The following ALK variants were observed in gnomAD, a reference collection of about 807,000 sequenced individuals.
ALK encodes ALK tyrosine kinase receptor.
Under a neutral mutation model 163.1 loss-of-function variants are expected in ALK, and 74 were observed. The ratio of observed to expected loss-of-function variants is 0.45; its 90% CI spans 0.38 to 0.55. The LOEUF (loss-of-function observed/expected upper bound fraction) is 0.55, where lower values mean the gene tolerates loss of function less well. Among genes scored for constraint, ALK ranks in the 20% least tolerant of loss-of-function variants. The probability of loss-of-function intolerance (pLI) is 0.00; values close to 1 mark genes in which losing one functional copy is unlikely to be tolerated. For synonymous variants in ALK, 960 were observed against 843.2 expected, an observed-to-expected ratio of 1.14 and a Z score of -2.40; for missense variants, 2,063 against 2,105.3, an observed-to-expected ratio of 0.98 and a Z score of 0.39.
intron 1 of ALK, among the ~76,000 whole-genome samples, chr2:29,783,982 G>A (rs1663922616): frequency 6.6e-6 from 1 of 152,066 alleles, no homozygotes; most frequent in African/African-American, 2.4e-5. Flanking sequence ...AAACTCCAAG[G>A]GCTACTTCAG....
At chr2:29,768,735 G>GTGTA (rs1680932832) in intron 1 of ALK, among the ~76,000 whole-genome samples, 3 of 144,302 alleles carry the variant, frequency 2.1e-5, no homozygotes, top group Non-Finnish European at 4.5e-5. Flanking sequence ...GTGTGTGTGT[G>GTGTA]TGTGTGTGTA....
rs1060500212 is a variant in ALK at position 29,226,937 on chromosome 2, C to A, written c.3052G>T (p.Gly1018Cys). ...GCCCCCTTACCAATGCAGGAGACGC[C>A]ATCCTCAGCCAGCACCGTCCCGTGG... is the stretch of plus-strand genomic sequence containing the variant. ...CDHGTVLAED[G>C]VSCIVSPTPE... Residue 1018 changes from glycine (G) to cysteine (C), a missense_variant, in exon 18 of 29, where the codon GGC becomes TGC. Coordinates refer to ENST00000389048, the MANE Select transcript of ALK (RefSeq NM_004304.5). The A allele has an allele frequency of 6.2e-7, 1 of 1,614,204 alleles. No homozygotes were observed. The highest frequency in any genetic ancestry group is 1.1e-5 in the South Asian group (1 of 91,080).
At chr2:29,626,651 C>T (rs1192329784) in intron 3 of ALK, among the ~76,000 whole-genome samples, 1 of 152,174 alleles carries the variant, frequency 6.6e-6, no homozygotes, top group Admixed American at 6.5e-5. Context: ...CTCTCCCCTC[C>T]CCATGTGAGG....
intron 5 of ALK, among the ~76,000 whole-genome samples, chr2:29,372,120 G>A: frequency 6.6e-6 from 1 of 152,122 alleles, no homozygotes; most frequent in East Asian, 1.9e-4. Flanking sequence ...TGATTCTTTG[G>A]GTTTGCATGC....
At chr2:29,834,335 G>T (rs573915504) in intron 1 of ALK, among the ~76,000 whole-genome samples, 2 of 152,276 alleles carry the variant, frequency 1.3e-5, no homozygotes, top group African/African-American at 4.8e-5. Context: ...GGTTTTGTGG[G>T]CTTGACACAA....
At chr2:29,367,848 G>C (rs939604088) in intron 5 of ALK, among the ~76,000 whole-genome samples, 9 of 152,196 alleles carry the variant, frequency 5.9e-5, no homozygotes, top group Non-Finnish European at 1.3e-4. Context: ...AAAGTTGAAT[G>C]CCTATGTAAA....
chr2:29,652,966 A>G (rs1249995765), intron 3 of ALK, among the ~76,000 whole-genome samples: 3 of 152,174 alleles, frequency 2.0e-5, no homozygotes, highest in Non-Finnish European at 4.4e-5. Flanking sequence ...CAAAGTGGCA[A>G]TGGTGAGAAC....
intron 28 of ALK, among the ~76,000 whole-genome samples, chr2:29,195,722 G>A (rs910739522): frequency 3.9e-5 from 6 of 152,186 alleles, no homozygotes; most frequent in African/African-American, 7.2e-5. Context: ...GCAGTAGAGC[G>A]AGACTGCTCC....
chr2:29,889,503 A>AGATG (rs1261846234), intron 1 of ALK, among the ~76,000 whole-genome samples: 40 of 151,486 alleles, frequency 2.6e-4, no homozygotes, highest in Non-Finnish European at 1.8e-4. Flanking sequence ...TTTAAATAAT[A>AGATG]GATGGATGGA....
At position 29,721,528 on chromosome 2, in the gene ALK, C is replaced by T. The variant is rs145516648; in HGVS notation, c.668-3831G>A. ...ACTTCCTCTCAAGTTCTCAAAACTC[C>T]AATTCCCCATATGCTTCCACATTCT... On this transcript the variant is annotated intron_variant, in intron 1 of 28. Transcript: ENST00000389048. Among the ~76,000 whole-genome samples the T allele has an allele frequency of 1.4e-3, 208 of 152,328 alleles. 1 individual carries two copies. The highest frequency in any genetic ancestry group is 4.7e-3 in the African/African-American group (197 of 41,558).
intron 1 of ALK, among the ~76,000 whole-genome samples, chr2:29,743,281 T>A (rs1680112646): frequency 6.6e-6 from 1 of 152,222 alleles, no homozygotes; most frequent in Admixed American, 6.5e-5. Context: ...TTAATGAGAA[T>A]TTCCTCTGTT....
intron 1 of ALK, among the ~76,000 whole-genome samples, chr2:29,867,559 T>G (rs377509329): frequency 8.4e-4 from 128 of 152,238 alleles, no homozygotes; most frequent in African/African-American, 2.9e-3. Flanking sequence ...ATCTTACAAC[T>G]GCCTCATAAC....
At chr2:29,334,428 G>T (rs1227778435) in intron 5 of ALK, among the ~76,000 whole-genome samples, 2 of 152,208 alleles carry the variant, frequency 1.3e-5, no homozygotes, top group South Asian at 2.1e-4. Context: ...CGAGTGGTTA[G>T]TGGCTGGCTG....
intron 1 of ALK, among the ~76,000 whole-genome samples, chr2:29,906,937 GTTTTTTTTT>G (rs70962250): frequency 1.2e-5 from 1 of 80,012 alleles, no homozygotes; most frequent in African/African-American, 4.6e-5. Context: ...TACATTTAAG[GTTTTTTTTT>G]TTTTTTTTTT....
chr2:29,406,898 CAAA>C (rs11397203), intron 4 of ALK, among the ~76,000 whole-genome samples: 1 of 133,480 alleles, frequency 7.5e-6, no homozygotes, highest in African/African-American at 2.9e-5. Context: ...GACTCCATCT[CAAA>C]AAAAAAAAAA....
chr2:29,433,445 C>T (rs1344844146), intron 4 of ALK, among the ~76,000 whole-genome samples: 2 of 152,090 alleles, frequency 1.3e-5, no homozygotes, highest in Non-Finnish European at 2.9e-5. Flanking sequence ...TGAGAGAATA[C>T]CAAATTGTTC....
intron 1 of ALK, among the ~76,000 whole-genome samples, chr2:29,871,182 G>T (rs1412479151): frequency 6.6e-6 from 1 of 152,152 alleles, no homozygotes; most frequent in African/African-American, 2.4e-5. Flanking sequence ...GCAGAGGAGA[G>T]ATCCCTGGTG....
At position 29,669,837 on chromosome 2, in the gene ALK, A is replaced by T. The variant is rs1485743409; in HGVS notation, c.952+25013T>A. ...ATAAGTTGTTTTAAAGAGATAACTT[A>T]TCTTAGATCACAAATAGAAGAATAA... On this transcript the variant is annotated intron_variant, in intron 3 of 28. Coordinates refer to ENST00000389048, the MANE Select transcript of ALK (RefSeq NM_004304.5). Among the ~76,000 whole-genome samples, 4 of 151,052 alleles carry T rather than the reference A, an allele frequency of 2.6e-5. No homozygotes were observed. The Admixed American group carries it at 2.7e-4, about 10-fold the overall frequency.
chr2:29,703,405 G>A (rs1678806340), intron 2 of ALK, among the ~76,000 whole-genome samples: 1 of 152,182 alleles, frequency 6.6e-6, no homozygotes, highest in Admixed American at 6.5e-5. Context: ...CAGGAATAGA[G>A]CACAAGACTT....
Sources: gnomAD v4.1 joint callset for allele counts (sites outside exome capture counted in the v4.1 genomes callset) on GRCh38, gnomAD v4.1.1 for gene constraint, MANE v1.5 for transcripts, NCBI Gene and HGNC (gene_info 2026-07-23, HGNC 2026-07-21) for gene names.